Variants in PTPRJ observed in about 807,000 individuals in gnomAD.
PTPRJ encodes the protein receptor-type tyrosine-protein phosphatase eta.
PTPRJ carries 129 observed loss-of-function variants against 141.3 expected under a neutral mutation model. The observed-to-expected ratio is 0.91, with a 90% CI of 0.79 to 1.06. The LOEUF is 1.06. Ranked by LOEUF, PTPRJ falls within the 50% of genes least tolerant of loss-of-function variation. PTPRJ has a pLI of 0.00. For missense variants in PTPRJ, 1,601 were observed against 1,679.7 expected (o/e 0.95, Z 0.82); for synonymous variants, 610 against 640.5 (o/e 0.95, Z 0.72).
At chr11:48,080,326 G>C (rs1855524638) in intron 1 of PTPRJ, among the ~76,000 whole-genome samples, 1 of 152,150 alleles carries the variant, frequency 6.6e-6, no homozygotes, top group Non-Finnish European at 1.5e-5. Flanking sequence ...TGCTTTATCT[G>C]CAGGTTTAAT....
intron 1 of PTPRJ, among the ~76,000 whole-genome samples, chr11:48,070,519 A>T (rs1316818601): frequency 2.0e-5 from 3 of 150,882 alleles, no homozygotes; most frequent in East Asian, 3.9e-4. Context: ...AAAAAAAAAA[A>T]GGCACACAGG....
intron 15 of PTPRJ, among the ~76,000 whole-genome samples, chr11:48,148,654 T>TA (rs1857408496): frequency 6.6e-6 from 1 of 152,004 alleles, no homozygotes; most frequent in Admixed American, 6.6e-5. Flanking sequence ...TGGCTGGTCT[T>TA]AAACTCCTGA....
chr11:48,078,630 A>G lies in PTPRJ; in HGVS notation c.97-31428A>G, dbSNP rs990780414. 3.1e-4 allele frequency among the ~76,000 whole-genome samples: 47 copies of G among 152,156 alleles called. 1 individual carries two copies. The highest frequency in any genetic ancestry group is 1.0e-3 in the African/African-American group (43 of 41,432). Reference sequence around the variant, plus strand: ...TGCTACAGTCTAGGAGGGAGGTGGCAGGGGTGTAGACCAGGGATCACAAAG... The same window carrying G: ...TGCTACAGTCTAGGAGGGAGGTGGCGGGGGTGTAGACCAGGGATCACAAAG... On this transcript the variant is annotated intron_variant, in intron 1 of 24. Coordinates refer to ENST00000418331, the MANE Select transcript of PTPRJ (RefSeq NM_002843.4).
chr11:47,996,281 G>T (rs1854333438), intron 1 of PTPRJ, among the ~76,000 whole-genome samples: 1 of 144,884 alleles, frequency 6.9e-6, no homozygotes, highest in Non-Finnish European at 1.5e-5. Flanking sequence ...CTTGCAGTGA[G>T]CCAAGATCGC....
chr11:48,081,129 G>A (rs1471701852), intron 1 of PTPRJ, among the ~76,000 whole-genome samples: 1 of 152,242 alleles, frequency 6.6e-6, no homozygotes, highest in Non-Finnish European at 1.5e-5. Context: ...CGGGTGGTCT[G>A]CAAACCACAC....
intron 1 of PTPRJ, among the ~76,000 whole-genome samples, chr11:48,075,292 C>T (rs960772321): frequency 2.6e-5 from 4 of 151,992 alleles, no homozygotes; most frequent in African/African-American, 4.8e-5. Context: ...TACAGGGGCC[C>T]GCTACCACGC....
intron 3 of PTPRJ, 27 bp from the exon 4 acceptor site, chr11:48,120,976 A>AT (rs34681195): frequency 0.02 from 26,984 of 1,359,078 alleles, 166 homozygotes; most frequent in African/African-American, 0.095. Context: ...AAGTGCAATA[A>AT]TTTTTTTTTT....
At chr11:48,118,603 A>T (rs1856625953) in intron 3 of PTPRJ, among the ~76,000 whole-genome samples, 1 of 152,234 alleles carries the variant, frequency 6.6e-6, no homozygotes, top group Non-Finnish European at 1.5e-5. Flanking sequence ...ATCATTCACC[A>T]TGATCAACTG....
At chr11:48,061,643 A>G (rs1317188705) in intron 1 of PTPRJ, among the ~76,000 whole-genome samples, 2 of 152,038 alleles carry the variant, frequency 1.3e-5, no homozygotes, top group Non-Finnish European at 2.9e-5. Context: ...ATTTGCTCTC[A>G]CCACCTCTCT....
At position 47,980,690 on chromosome 11, in the gene PTPRJ, C is replaced by G; in HGVS notation, c.-223C>G. 1.0e-6 allele frequency: 1 copy of G among 990,924 alleles called. No individual in the cohort carries two copies. Among genetic ancestry groups the G allele is most frequent in the African/African-American group, 1.8e-5 (1 of 57,104 alleles). 61.4% of individuals were successfully genotyped at this position (990,924 alleles called of 1,614,324 possible). A position where few individuals can be genotyped will look rare whatever the true frequency, so the allele number is the denominator to read the frequency against. ...CCCCTGCGCGCTCAGGGACGCGGCC[C>G]CCCCGCGGCAGCCGCGCTAGGCTCC... is the stretch of plus-strand genomic sequence containing the variant. On this transcript the variant is annotated 5_prime_UTR_variant, in exon 1 of 25. Coordinates refer to ENST00000418331, the MANE Select transcript of PTPRJ (RefSeq NM_002843.4).
At position 48,144,892 on chromosome 11, in the gene PTPRJ, T is replaced by C; in HGVS notation, c.2786+7T>C. The C allele has an allele frequency of 1.2e-6, 2 of 1,613,966 alleles. No individual in the cohort carries two copies. The highest frequency in any genetic ancestry group is 1.7e-6 in the Non-Finnish European group (2 of 1,179,946). On this transcript the variant is annotated splice_region_variant and intron_variant, in intron 13 of 24. Coordinates refer to ENST00000418331, the MANE Select transcript of PTPRJ (RefSeq NM_002843.4). ...AACCTCTGGGCTCCTACCGGTAATG[T>C]CTTCTGGTTCTTACTCTTTGGGGGC... is the stretch of plus-strand genomic sequence containing the variant.
At chr11:48,072,086 G>T (rs1458606371) in intron 1 of PTPRJ, among the ~76,000 whole-genome samples, 1 of 151,492 alleles carries the variant, frequency 6.6e-6, no homozygotes, top group Non-Finnish European at 1.5e-5. Context: ...TTGTATTTTT[G>T]TACAGACGGG....
At chr11:48,102,112 T>C (rs1395252274) in intron 1 of PTPRJ, among the ~76,000 whole-genome samples, 1 of 152,136 alleles carries the variant, frequency 6.6e-6, no homozygotes, top group Non-Finnish European at 1.5e-5. Context: ...TCAGGGACAT[T>C]TGGGGACATA....
chr11:48,013,213 C>T (rs916023412), intron 1 of PTPRJ, among the ~76,000 whole-genome samples: 1 of 151,776 alleles, frequency 6.6e-6, no homozygotes, highest in Admixed American at 6.6e-5. Flanking sequence ...GGCTCATGTT[C>T]ACCCCCAGGC....
chr11:47,981,320 C>T (rs1186990980), intron 1 of PTPRJ, among the ~76,000 whole-genome samples: 1 of 152,140 alleles, frequency 6.6e-6, no homozygotes, highest in East Asian at 1.9e-4. Flanking sequence ...CTGGGCACAT[C>T]TGGCGGGCAC....
intron 1 of PTPRJ, among the ~76,000 whole-genome samples, chr11:48,094,853 C>T (rs556889700): frequency 1.3e-5 from 2 of 152,074 alleles, no homozygotes; most frequent in African/African-American, 2.4e-5. Flanking sequence ...ATGTTTTCTC[C>T]GACTTCCTGG....
intron 1 of PTPRJ, among the ~76,000 whole-genome samples, chr11:48,064,882 A>G (rs961850717): frequency 6.6e-6 from 1 of 151,708 alleles, no homozygotes; most frequent in African/African-American, 2.4e-5. Flanking sequence ...TGACCTTCCA[A>G]AGTGCTAGGA....
intron 1 of PTPRJ, among the ~76,000 whole-genome samples, chr11:48,095,367 A>C (rs2134304730): frequency 6.6e-6 from 1 of 152,300 alleles, no homozygotes; most frequent in African/African-American, 2.4e-5. Flanking sequence ...CTCTTTCTGT[A>C]ATGCAATTTA....
rs1793787750 is a variant in PTPRJ, at chr11:48,169,186, TA to T, written c.*1825del. 1 of 152,210 alleles carries T rather than the reference TA, an allele frequency of 6.6e-6. No individual in the cohort carries two copies. The highest frequency in any genetic ancestry group is 2.4e-5 in the African/African-American group (1 of 41,438). The allele number at this position is 152,210 out of a possible 1,614,324, so 9.4% of individuals were successfully genotyped here. A position where few individuals can be genotyped will look rare whatever the true frequency, so the allele number is the denominator to read the frequency against. On this transcript the variant is annotated 3_prime_UTR_variant, in exon 25 of 25. Transcript: ENST00000418331. ...CGGAGGGTTAGTGCTGTATGCCTTT[TA>T]TTTCCCTTTCCCTTTGAGGTACTGA...
Sources: gnomAD v4.1 joint callset for allele counts (sites outside exome capture counted in the v4.1 genomes callset) on GRCh38, gnomAD v4.1.1 for gene constraint, MANE v1.5 for transcripts, NCBI Gene and HGNC (gene_info 2026-07-23, HGNC 2026-07-21) for gene names.